Variants in PELI2 observed in about 807,000 individuals in gnomAD.
The protein encoded by PELI2 is E3 ubiquitin-protein ligase pellino homolog 2.
PELI2 carries 23 observed loss-of-function variants against 42.3 expected under a neutral mutation model. The ratio of observed to expected loss-of-function variants is 0.54; its 90% CI spans 0.39 to 0.77. The LOEUF (loss-of-function observed/expected upper bound fraction) is 0.77, where lower values mean the gene tolerates loss of function less well. Among genes scored for constraint, PELI2 ranks in the 30% least tolerant of loss-of-function variants. The pLI, the probability that PELI2 is intolerant of heterozygous loss-of-function variation, is 0.00. For missense variants in PELI2, 463 were observed against 553.2 expected (o/e 0.84, Z 1.64); for synonymous variants, 245 against 212.2 (o/e 1.15, Z -1.34).
At chr14:56,131,291 GAGCTGGCAT>G (rs1360557484) in intron 1 of PELI2, among the ~76,000 whole-genome samples, 1 of 152,232 alleles carries the variant, frequency 6.6e-6, no homozygotes, top group East Asian at 1.9e-4. Flanking sequence ...ACCCTTCTGA[GAGCTGGCAT>G]AGCTTTACAC....
chr14:56,250,902 G>A (rs1014717568), intron 2 of PELI2, among the ~76,000 whole-genome samples: 3 of 152,196 alleles, frequency 2.0e-5, no homozygotes, highest in Admixed American at 6.5e-5. Context: ...GTACTGTCAG[G>A]AGAAACCAGG....
At chr14:56,293,849 G>A (rs924802308) in intron 5 of PELI2, among the ~76,000 whole-genome samples, 6 of 152,210 alleles carry the variant, frequency 3.9e-5, no homozygotes, top group African/African-American at 1.4e-4. Context: ...GAACTGCCCT[G>A]CAGGAGGAAA....
intron 2 of PELI2, among the ~76,000 whole-genome samples, chr14:56,251,222 G>A (rs558107789): frequency 2.6e-5 from 4 of 152,330 alleles, no homozygotes; most frequent in East Asian, 3.9e-4. Flanking sequence ...GAGGGCCATC[G>A]GCAGAGGCTC....
At chr14:56,164,631 A>G (rs1034778593) in intron 1 of PELI2, among the ~76,000 whole-genome samples, 2 of 152,118 alleles carry the variant, frequency 1.3e-5, no homozygotes, top group African/African-American at 2.4e-5. Context: ...TCTTCTTTAA[A>G]TGCTTGGTAG....
chr14:56,297,204 A>G lies in PELI2; in HGVS notation c.*38A>G. 1.4e-6 allele frequency: 2 copies of G among 1,445,126 alleles called. No homozygotes were observed. Among genetic ancestry groups the G allele is most frequent in the Non-Finnish European group, 1.9e-6 (2 of 1,059,396 alleles). The allele number at this position is 1,445,126 out of a possible 1,614,324, so 89.5% of individuals were successfully genotyped here. ...CCATCTACGACTTTATTAACAGGTT[A>G]CTGTGAAGATTTTGCCACTAACTCT... On this transcript the variant is annotated 3_prime_UTR_variant, in exon 6 of 6. Transcript: ENST00000267460.
intron 2 of PELI2, 48 bp from the exon 3 acceptor site, chr14:56,279,628 G>A (rs769704270): frequency 9.2e-7 from 1 of 1,086,120 alleles, no homozygotes; most frequent in Non-Finnish European, 1.4e-6. Context: ...GAATTGATAA[G>A]TTGTTGAAAT....
intron 2 of PELI2, among the ~76,000 whole-genome samples, chr14:56,198,575 G>A (rs1035283722): frequency 1.3e-5 from 2 of 152,182 alleles, no homozygotes; most frequent in African/African-American, 4.8e-5. Flanking sequence ...ATCTGATGGA[G>A]CAGCGGGGAC....
At position 56,197,506 on chromosome 14, in the gene PELI2, G is replaced by T. The variant is rs1886170285; in HGVS notation, c.207+19042G>T. Among the ~76,000 whole-genome samples the T allele has an allele frequency of 1.3e-5, 2 of 152,042 alleles. No homozygotes were observed. The highest frequency in any genetic ancestry group is 2.4e-5 in the African/African-American group (1 of 41,396). ...TGGGGAGACATTTATGCATGAAGCG[G>T]GTGTTCTGGCTTTGATATGGAAGGA... On this transcript the variant is annotated intron_variant, in intron 2 of 5. Transcript: ENST00000267460. The surrounding 1 kb of genome is among the most constrained non-coding windows in gnomAD (Gnocchi z 4.9).
intron 2 of PELI2, among the ~76,000 whole-genome samples, chr14:56,233,521 A>G (rs1887665677): frequency 6.6e-6 from 1 of 152,224 alleles, no homozygotes; most frequent in South Asian, 2.1e-4. Flanking sequence ...TCCCTGTTTA[A>G]TAAATGGTGC....
At chr14:56,229,363 C>T (rs1887476630) in intron 2 of PELI2, among the ~76,000 whole-genome samples, 1 of 152,222 alleles carries the variant, frequency 6.6e-6, no homozygotes, top group Admixed American at 6.5e-5. Context: ...ACTGACACCT[C>T]ATACAGCAGG....
At chr14:56,246,795 C>G (rs1302278662) in intron 2 of PELI2, among the ~76,000 whole-genome samples, 1 of 152,098 alleles carries the variant, frequency 6.6e-6, no homozygotes, top group Non-Finnish European at 1.5e-5. Context: ...GTCTCCTATC[C>G]CATTTAATTA....
intron 2 of PELI2, among the ~76,000 whole-genome samples, chr14:56,210,475 T>C (rs1419526325): frequency 6.6e-6 from 1 of 152,096 alleles, no homozygotes; most frequent in East Asian, 1.9e-4. Flanking sequence ...AGTTAAAAAT[T>C]TAAAAATCAG....
intron 1 of PELI2, among the ~76,000 whole-genome samples, chr14:56,157,125 T>TA (rs1446701303): frequency 3.0e-4 from 46 of 152,222 alleles, no homozygotes; most frequent in African/African-American, 1.1e-3. Flanking sequence ...TTGCAGCCAG[T>TA]GGGTTAATGT....
intron 2 of PELI2, among the ~76,000 whole-genome samples, chr14:56,222,281 A>G (rs1452138391): frequency 6.6e-6 from 1 of 152,170 alleles, no homozygotes; most frequent in Non-Finnish European, 1.5e-5. Flanking sequence ...CGTTTTTTCC[A>G]AATTCCAGAA....
At chr14:56,210,103 T>C (rs996908799) in intron 2 of PELI2, among the ~76,000 whole-genome samples, 1 of 152,076 alleles carries the variant, frequency 6.6e-6, no homozygotes, top group Non-Finnish European at 1.5e-5. Context: ...GTACTGTGGT[T>C]ATGTAGGGTA....
rs1406329042 is a variant in PELI2, at chr14:56,299,524, CAG to C, written c.*2363_*2364del. 2 of 152,210 alleles carry C rather than the reference CAG, an allele frequency of 1.3e-5. No individual in the cohort carries two copies. The highest frequency in any genetic ancestry group is 4.8e-5 in the African/African-American group (2 of 41,456). The allele number at this position is 152,210 out of a possible 1,614,324, so 9.4% of individuals were successfully genotyped here. On this transcript the variant is annotated 3_prime_UTR_variant, in exon 6 of 6. Coordinates refer to ENST00000267460, the MANE Select transcript of PELI2 (RefSeq NM_021255.3). ...CCCGCCCACCCTGCCTAAGGAACTG[CAG>C]AGAGGTGGCAAATCAGCAAAAAGGA...
chr14:56,165,340 A>G (rs940211699), intron 1 of PELI2, among the ~76,000 whole-genome samples: 2 of 152,082 alleles, frequency 1.3e-5, no homozygotes, highest in African/African-American at 2.4e-5. Context: ...AGTTTCCAAA[A>G]TTTCTCGTTA....
chr14:56,241,355 A>C (rs1887969265), intron 2 of PELI2, among the ~76,000 whole-genome samples: 1 of 152,262 alleles, frequency 6.6e-6, no homozygotes, highest in South Asian at 2.1e-4. Context: ...GAATCAATTC[A>C]GGAAGTCTGA....
chr14:56,243,796 T>C (rs985385943), intron 2 of PELI2, among the ~76,000 whole-genome samples: 3 of 152,176 alleles, frequency 2.0e-5, no homozygotes, highest in Admixed American at 2.0e-4. Flanking sequence ...GGAAACCCAG[T>C]GTCATTATAA....
Sources: allele counts gnomAD v4.1 joint callset (sites outside exome capture counted in the v4.1 genomes callset), GRCh38; gene constraint gnomAD v4.1.1; non-coding constraint Gnocchi (gnomAD v3.1); transcripts MANE v1.5; gene names NCBI Gene and HGNC (gene_info 2026-07-23, HGNC 2026-07-21).